The following PRKN variants were observed in gnomAD, a reference collection of about 807,000 sequenced individuals.
PRKN encodes the protein parkin RBR E3 ubiquitin protein ligase, also known as E3 ubiquitin-protein ligase parkin.
Under a neutral mutation model 59.5 loss-of-function variants are expected in PRKN, and 56 were observed. That is an observed-to-expected ratio of 0.94 (90% CI 0.76 to 1.18). The LOEUF is 1.18. PRKN is among the 50% of genes most tolerant of loss of function. The pLI is 0.00. For synonymous variants in PRKN, 250 were observed against 222.1 expected, an observed-to-expected ratio of 1.13 and a Z score of -1.12; for missense variants, 657 against 596.4, an observed-to-expected ratio of 1.10 and a Z score of -1.06.
intron 4 of PRKN, among the ~76,000 whole-genome samples, chr6:162,065,645 G>A (rs1025247421): frequency 6.6e-6 from 1 of 151,808 alleles, no homozygotes; most frequent in African/African-American, 2.4e-5. Context: ...TATGCATACA[G>A]GTGACATGTT....
At chr6:161,890,477 T>C (rs1207758814) in intron 6 of PRKN, among the ~76,000 whole-genome samples, 1 of 152,194 alleles carries the variant, frequency 6.6e-6, no homozygotes, top group Non-Finnish European at 1.5e-5. Flanking sequence ...TCATTTAATC[T>C]ATGCTATGCG....
At chr6:162,143,776 G>A (rs1343881010) in intron 4 of PRKN, among the ~76,000 whole-genome samples, 1 of 152,156 alleles carries the variant, frequency 6.6e-6, no homozygotes, top group Non-Finnish European at 1.5e-5. Context: ...AGGTGATGAA[G>A]CTTGAATTGA....
At chr6:162,246,084 A>C (rs1210434595) in intron 3 of PRKN, among the ~76,000 whole-genome samples, 2 of 152,192 alleles carry the variant, frequency 1.3e-5, no homozygotes, top group Non-Finnish European at 2.9e-5. Flanking sequence ...TGTAATTCAC[A>C]AAAGCTGTTG....
rs116648020 is a variant in PRKN, at chr6:162,285,704, C to A, written c.172-22939G>T. ...GAGACAGCTGGCACCTCATCGAAAT[C>A]TGTTTCCTCCTCTTCCCCGACACCA... On this transcript the variant is annotated intron_variant, in intron 2 of 11. Transcript: ENST00000366898. Among the ~76,000 whole-genome samples the A allele has an allele frequency of 1.1e-3, 172 of 152,256 alleles. 1 individual carries two copies. Among genetic ancestry groups the A allele is most frequent in the African/African-American group, 3.9e-3 (164 of 41,548 alleles).
chr6:162,021,118 ACATATATATAT>A (rs1783136486), intron 5 of PRKN, among the ~76,000 whole-genome samples: 5 of 32,194 alleles, frequency 1.6e-4, no homozygotes, highest in African/African-American at 6.3e-4. Context: ...AAAAACAAAA[ACATATATATAT>A]ATATATATAT....
intron 3 of PRKN, 82 bp from the exon 4 acceptor site, chr6:162,201,334 G>A: frequency 1.4e-6 from 2 of 1,385,428 alleles, no homozygotes; most frequent in Non-Finnish European, 2.0e-6. Context: ...CTTGTTAGAG[G>A]CAAATTTTAA....
At chr6:161,537,424 A>G (rs1779450491) in intron 9 of PRKN, among the ~76,000 whole-genome samples, 1 of 151,948 alleles carries the variant, frequency 6.6e-6, no homozygotes, top group Non-Finnish European at 1.5e-5. Context: ...ATAAAGAACA[A>G]TGCTTCAAGT....
chr6:161,680,775 A>ATTTTT lies in PRKN; in HGVS notation c.871+104992_871+104996dup, dbSNP rs869253616. ...TATATATATATATATATATATATAT[A>ATTTTT]TTTTTTTTTTTTTTTCTTTTCCTAA... On this transcript the variant is annotated intron_variant, in intron 7 of 11. Transcript: ENST00000366898. 5.2e-3 allele frequency among the ~76,000 whole-genome samples: 159 copies of ATTTTT among 30,564 alleles called. 6 individuals are homozygous for ATTTTT. Among genetic ancestry groups the ATTTTT allele is most frequent in the East Asian group, 9.2e-3 (7 of 764 alleles). The allele number at this position is 30,564 out of a possible 152,430, so 20.1% of individuals were successfully genotyped here.
intron 4 of PRKN, among the ~76,000 whole-genome samples, chr6:162,124,010 C>T (rs1178762936): frequency 1.3e-5 from 2 of 152,150 alleles, no homozygotes; most frequent in African/African-American, 4.8e-5. Context: ...AAGTATCACT[C>T]TGGCAGCAGC....
Position 161,349,916 on chromosome 6 carries a change from T to A in PRKN, c.*183A>T, listed in dbSNP as rs1019668090. On this transcript the variant is annotated 3_prime_UTR_variant, in exon 12 of 12. Transcript: ENST00000366898. The surrounding 1 kb of genome is among the most constrained non-coding windows in gnomAD (Gnocchi z 5.5). ...TTTACTCTGCTGTTTTTCATGGACA[T>A]AGTGAAAGGGATCCAGGAGTTTCTT... The A allele has an allele frequency of 1.9e-5, 12 of 647,112 alleles. No individual in the cohort carries two copies. The East Asian group carries it at 3.3e-4, about 18-fold the overall frequency. 40.1% of individuals were successfully genotyped at this position (647,112 alleles called of 1,614,324 possible).
chr6:162,235,993 G>GAA (rs66767822), intron 3 of PRKN, among the ~76,000 whole-genome samples: 1 of 135,000 alleles, frequency 7.4e-6, no homozygotes, highest in African/African-American at 2.9e-5. Flanking sequence ...AAGAAAGAAA[G>GAA]AAAGAAAGAA....
intron 7 of PRKN, among the ~76,000 whole-genome samples, chr6:161,672,268 C>T (rs1307057280): frequency 6.6e-6 from 1 of 152,102 alleles, no homozygotes; most frequent in Admixed American, 6.5e-5. Context: ...AAACCCCAAA[C>T]CCTGAACACC....
intron 3 of PRKN, among the ~76,000 whole-genome samples, chr6:162,213,476 C>G (rs1323922596): frequency 6.6e-6 from 1 of 152,096 alleles, no homozygotes; most frequent in East Asian, 1.9e-4. Flanking sequence ...GCCTGTCATC[C>G]CAGCAGTTTG....
chr6:162,245,504 C>CTAATA (rs911508938), intron 3 of PRKN, among the ~76,000 whole-genome samples: 1 of 151,406 alleles, frequency 6.6e-6, no homozygotes, highest in Non-Finnish European at 1.5e-5. Flanking sequence ...AATATAATAT[C>CTAATA]TAATATAATA....
rs9355401 is a variant in PRKN at position 162,604,769 on chromosome 6, T to C, written c.7+122893A>G. On this transcript the variant is annotated intron_variant, in intron 1 of 11. Transcript: ENST00000366898. ...CTGACAGTAAAACCCCAGGACAAGA[T>C]TGTCACAAAAAGGATTATCTTTCAG... Among the ~76,000 whole-genome samples the C allele has an allele frequency of 2.9e-3, 434 of 150,924 alleles. 11 individuals are homozygous for C. In the East Asian group the frequency reaches 0.078, roughly 27 times the overall value.
chr6:161,885,400 T>TC (rs1230283384), intron 6 of PRKN, among the ~76,000 whole-genome samples: 9 of 152,050 alleles, frequency 5.9e-5, no homozygotes, highest in Non-Finnish European at 1.2e-4. Context: ...GTGCGGTGGC[T>TC]CAGCCTGTAA....
At chr6:162,367,307 C>T (rs139083356) in intron 2 of PRKN, among the ~76,000 whole-genome samples, 1 of 152,138 alleles carries the variant, frequency 6.6e-6, no homozygotes, top group African/African-American at 2.4e-5. Flanking sequence ...TTATTAATTA[C>T]ACAGTTTTGG....
At chr6:162,075,935 G>A (rs561874654) in intron 4 of PRKN, among the ~76,000 whole-genome samples, 1 of 146,434 alleles carries the variant, frequency 6.8e-6, no homozygotes, top group East Asian at 2.0e-4. Context: ...CTGTCCTGGG[G>A]TTTGTAGACA....
chr6:162,422,779 T>A (rs1273283999), intron 2 of PRKN, among the ~76,000 whole-genome samples: 3 of 151,794 alleles, frequency 2.0e-5, no homozygotes, highest in African/African-American at 7.3e-5. Flanking sequence ...ACCCTGTCTC[T>A]ACTAAAATAC....
Sources: gnomAD v4.1 joint callset for allele counts (sites outside exome capture counted in the v4.1 genomes callset) on GRCh38, gnomAD v4.1.1 for gene constraint, Gnocchi (gnomAD v3.1) non-coding constraint, MANE v1.5 for transcripts, NCBI Gene and HGNC (gene_info 2026-07-23, HGNC 2026-07-21) for gene names.